TDRD1: variants seen among roughly 807,000 people sequenced by gnomAD.
TDRD1 encodes the protein tudor domain containing 1.
A neutral mutation model predicts 140.6 loss-of-function variants in TDRD1; 37 were observed. The ratio of observed to expected loss-of-function variants is 0.26; its 90% CI spans 0.20 to 0.35. The LOEUF is 0.35. TDRD1 is among the 10% of genes least tolerant of loss of function. The probability of loss-of-function intolerance (pLI) is 1.00; values close to 1 mark genes in which losing one functional copy is unlikely to be tolerated. For synonymous variants in TDRD1, 506 were observed against 475.7 expected (o/e 1.06, Z -0.83); for missense variants, 1,243 against 1,393.0 (o/e 0.89, Z 1.71).
At chr10:114,204,306 TCTG>T (rs2034961975) in intron 9 of TDRD1, 90 bp downstream of exon 9, 6 of 1,371,262 alleles carry the variant, frequency 4.4e-6, no homozygotes, top group African/African-American at 1.5e-5. Context: ...CTTGTTCTAT[TCTG>T]CTGTGTTACT....
At chr10:114,213,701 A>T in intron 15 of TDRD1, 113 bp downstream of exon 15, 1 of 1,011,650 alleles carries the variant, frequency 9.9e-7, no homozygotes, top group Non-Finnish European at 1.4e-6. Flanking sequence ...TCATCTTTTT[A>T]AATCAAGCAT....
exon 14 of TDRD1, chr10:114,211,895 T>G (rs2035510687): frequency 1.3e-6 from 2 of 1,587,348 alleles, no homozygotes; most frequent in Non-Finnish European, 1.7e-6. Context: ...TGCCTCTGTT[T>G]TGGCTTACGC....
chr10:114,178,554 C>A (rs1157983084), upstream of TDRD1, among the ~76,000 whole-genome samples: 1 of 152,270 alleles, frequency 6.6e-6, no homozygotes, highest in African/African-American at 2.4e-5. Flanking sequence ...AGGTGGGAAC[C>A]TGAGTTCTCT....
chr10:114,204,714 T>C lies in TDRD1; in HGVS notation c.1126-8T>C. ...ATTTTTGTAAGTAACCTGCGTAAAA[T>C]TTTTCAGGCCATAAAGTGCTTTGTA... On this transcript the variant is annotated splice_polypyrimidine_tract_variant and splice_region_variant and intron_variant, in intron 9 of 25. Transcript: ENST00000251864. 1 of 1,564,808 alleles carries C rather than the reference T, an allele frequency of 6.4e-7. No homozygotes were observed. Among genetic ancestry groups the C allele is most frequent in the Non-Finnish European group, 8.6e-7 (1 of 1,165,788 alleles).
chr10:114,223,751 C>T (rs1006807016), intron 21 of TDRD1, among the ~76,000 whole-genome samples: 3 of 152,150 alleles, frequency 2.0e-5, no homozygotes, highest in Non-Finnish European at 4.4e-5. Context: ...CCACTTTTGT[C>T]GTTGTTAGTG....
chr10:114,226,994 CTTA>C, intron 22 of TDRD1, 75 bp from the exon 23 acceptor site: 1 of 788,588 alleles, frequency 1.3e-6, no homozygotes, highest in South Asian at 1.9e-5. Context: ...AAGCCTTTTG[CTTA>C]TTATTCTTAG....
rs769811122 is a variant in TDRD1, at chr10:114,203,571, AC to A, written c.981+6del. ...TGCCAAGTACACTGTTGATCAGGTA[AC>A]CTGTAATGAAATGAATTATTTAAAA... is the stretch of plus-strand genomic sequence containing the variant. On this transcript the variant is annotated splice_donor_5th_base_variant and intron_variant, in intron 8 of 25. Coordinates refer to ENST00000251864, the Ensembl canonical transcript of TDRD1. 3.1e-5 allele frequency: 50 copies of A among 1,592,844 alleles called. No individual in the cohort carries two copies. Among genetic ancestry groups the A allele is most frequent in the Non-Finnish European group, 4.3e-5 (50 of 1,172,168 alleles).
At chr10:114,201,413 C>T (rs2132952340) in exon 5 of TDRD1, 15 of 1,613,686 alleles carry the variant, frequency 9.3e-6, no homozygotes, top group Middle Eastern at 1.7e-4. Context: ...TTTCTAGGAT[C>T]GCTGAGGTGC....
At chr10:114,196,662 T>A (rs192733305) in intron 3 of TDRD1, among the ~76,000 whole-genome samples, 10 of 151,904 alleles carry the variant, frequency 6.6e-5, no homozygotes, top group Admixed American at 4.6e-4. Context: ...TTTTAAAAAT[T>A]TCCCCCCCCA....
At chr10:114,183,992 G>A (rs1589652296) in intron 1 of TDRD1, among the ~76,000 whole-genome samples, 1 of 152,164 alleles carries the variant, frequency 6.6e-6, no homozygotes, top group South Asian at 2.1e-4. Flanking sequence ...ATTTCTAGAT[G>A]TAGAGGTACC....
At chr10:114,187,688 C>A in intron 1 of TDRD1, 138 bp from the exon 2 acceptor site, 1 of 751,310 alleles carries the variant, frequency 1.3e-6, no homozygotes, top group Non-Finnish European at 2.1e-6. Flanking sequence ...GTTTTGATGT[C>A]ATGGTTATAT....
chr10:114,209,175 G>T (rs1275029079), intron 11 of TDRD1, among the ~76,000 whole-genome samples: 2 of 152,032 alleles, frequency 1.3e-5, no homozygotes, highest in African/African-American at 2.4e-5. Context: ...TGCCATGATT[G>T]TACCTGTTAA....
chr10:114,201,344 C>T, intron 4 of TDRD1, 66 bp from the exon 5 acceptor site: 1 of 1,303,956 alleles, frequency 7.7e-7, no homozygotes. Flanking sequence ...ATGATATTTG[C>T]TAAAGTGTGG....
chr10:114,190,082 G>A (rs999902859), intron 2 of TDRD1, among the ~76,000 whole-genome samples: 4 of 152,084 alleles, frequency 2.6e-5, no homozygotes, highest in African/African-American at 9.7e-5. Context: ...GTCTCCGGGA[G>A]GCCAAACTTT....
chr10:114,227,812 T>C (rs2036525355), intron 23 of TDRD1, 98 bp from the exon 24 acceptor site: 7 of 910,976 alleles, frequency 7.7e-6, no homozygotes, highest in African/African-American at 1.7e-5. Context: ...TCGGAACCCA[T>C]GCGCAAGGGG....
exon 19 of TDRD1, chr10:114,220,627 G>T (rs2036082467): frequency 2.5e-6 from 4 of 1,613,242 alleles, no homozygotes; most frequent in Non-Finnish European, 3.4e-6. Flanking sequence ...CCAGATGTGT[G>T]TTGCTGGGAT....
chr10:114,227,391 T>C (rs1324086241), intron 23 of TDRD1, 92 bp downstream of exon 23: 2 of 910,660 alleles, frequency 2.2e-6, no homozygotes, highest in East Asian at 5.1e-5. Flanking sequence ...TCACTTCCCA[T>C]GCCATACTCT....
At chr10:114,182,934 T>A (rs1334228330) in intron 1 of TDRD1, among the ~76,000 whole-genome samples, 3 of 152,152 alleles carry the variant, frequency 2.0e-5, no homozygotes, top group Admixed American at 1.3e-4. Flanking sequence ...TCCGCCCGCC[T>A]CAGCCTCCCA....
chr10:114,226,086 A>G, exon 22 of TDRD1: 1 of 1,614,120 alleles, frequency 6.2e-7, no homozygotes, highest in Non-Finnish European at 8.5e-7. Context: ...TTCTGGGGAC[A>G]TCAGACACTG....
Sources: allele counts gnomAD v4.1 joint callset (sites outside exome capture counted in the v4.1 genomes callset), GRCh38; gene constraint gnomAD v4.1.1; transcripts MANE v1.5; gene names NCBI Gene and HGNC (gene_info 2026-07-23, HGNC 2026-07-21).